Variants in RORA observed in about 807,000 individuals in gnomAD.
RORA encodes nuclear receptor ROR-alpha.
RORA carries 7 observed loss-of-function variants against 69.5 expected under a neutral mutation model. That is an observed-to-expected ratio of 0.10 (90% CI 0.06 to 0.19). The LOEUF (loss-of-function observed/expected upper bound fraction) is 0.19, where lower values mean the gene tolerates loss of function less well. Among genes scored for constraint, RORA ranks in the 10% least tolerant of loss-of-function variants. RORA has a pLI of 1.00. For synonymous variants in RORA, 261 were observed against 240.8 expected, an observed-to-expected ratio of 1.08 and a Z score of -0.78; for missense variants, 457 against 663.0, an observed-to-expected ratio of 0.69 and a Z score of 3.41.
At chr15:61,085,618 C>T (rs930543660) in intron 1 of RORA, among the ~76,000 whole-genome samples, 2 of 152,228 alleles carry the variant, frequency 1.3e-5, no homozygotes, top group Non-Finnish European at 2.9e-5. Flanking sequence ...TTGAGAACCA[C>T]TGATCCATGG....
chr15:60,502,738 A>G, intron 8 of RORA, 22 bp downstream of exon 8: 1 of 1,418,526 alleles, frequency 7.0e-7, no homozygotes, highest in Non-Finnish European at 1.0e-6. Flanking sequence ...TTTGAAGAAA[A>G]GGCACCTTGA....
chr15:60,521,889 C>T (rs2066178789), intron 3 of RORA, among the ~76,000 whole-genome samples: 1 of 152,152 alleles, frequency 6.6e-6, no homozygotes, highest in Non-Finnish European at 1.5e-5. Context: ...TTTCACCTAG[C>T]TTTTCAAAAC....
chr15:61,156,075 G>GA (rs913144400), intron 1 of RORA, among the ~76,000 whole-genome samples: 36 of 150,104 alleles, frequency 2.4e-4, no homozygotes, highest in Admixed American at 1.1e-3. Flanking sequence ...TTTTGCAGAA[G>GA]AAAAAAAAAA....
At chr15:60,957,796 A>G (rs542309326) in intron 1 of RORA, among the ~76,000 whole-genome samples, 1 of 152,230 alleles carries the variant, frequency 6.6e-6, no homozygotes, top group Admixed American at 6.5e-5. Flanking sequence ...TAAAAGAGTT[A>G]ATTATCCTAG....
At chr15:61,113,859 T>C (rs1259074011) in intron 1 of RORA, among the ~76,000 whole-genome samples, 2 of 152,242 alleles carry the variant, frequency 1.3e-5, no homozygotes, top group Non-Finnish European at 2.9e-5. Context: ...CGTGGTAAAT[T>C]GACCTTCGTT....
In RORA at chr15:61,202,942, T is replaced by G. The variant is rs562728807; in HGVS notation, c.166+26111A>C. On this transcript the variant is annotated intron_variant, in intron 1 of 10. Coordinates refer to ENST00000335670, the MANE Select transcript of RORA (RefSeq NM_134261.3). ...AGTACTCAGTGAGAAAAATAATTTC[T>G]GCTGAAGATGATTTTACAGTCAAAA... Among the ~76,000 whole-genome samples the G allele has an allele frequency of 7.2e-5, 11 of 152,294 alleles. No individual in the cohort carries two copies. In the South Asian group the frequency reaches 2.1e-3, roughly 29 times the overall value.
chr15:60,726,528 C>T (rs1156816780), intron 1 of RORA, among the ~76,000 whole-genome samples: 1 of 152,170 alleles, frequency 6.6e-6, no homozygotes, highest in Non-Finnish European at 1.5e-5. Context: ...GCCAGCTGGG[C>T]CAGCAGGACT....
At chr15:61,034,936 T>G (rs928749474) in intron 1 of RORA, among the ~76,000 whole-genome samples, 1 of 151,984 alleles carries the variant, frequency 6.6e-6, no homozygotes, top group Non-Finnish European at 1.5e-5. Context: ...CCTGGTAACA[T>G]AAAAACAAAA....
At position 60,493,637 on chromosome 15, in the gene RORA, A is replaced by AAGTT. The variant is rs1352901552; in HGVS notation, c.*3814_*3817dup. ...CAAATTCCATCAAGAAAATAATACA[A>AAGTT]AGTTTGTTTGTTTGTATTTTTTTTT... On this transcript the variant is annotated 3_prime_UTR_variant, in exon 11 of 11. Transcript: ENST00000335670. 6.6e-6 allele frequency: 1 copy of AAGTT among 152,238 alleles called. No homozygotes were observed. Among genetic ancestry groups the AAGTT allele is most frequent in the East Asian group, 1.9e-4 (1 of 5,184 alleles). 9.4% of individuals were successfully genotyped at this position (152,238 alleles called of 1,614,324 possible).
At position 61,144,865 on chromosome 15, in the gene RORA, T is replaced by A. The variant is rs567761028; in HGVS notation, c.166+84188A>T. On this transcript the variant is annotated intron_variant, in intron 1 of 10. Transcript: ENST00000335670. ...ACATTGGCTACTTTGGGGGAGTATGTCTGGAAGTGAAAGAAGGATAGGAAA... is the reference window on the plus strand; with the variant it reads ...ACATTGGCTACTTTGGGGGAGTATGACTGGAAGTGAAAGAAGGATAGGAAA... Among the ~76,000 whole-genome samples the A allele has an allele frequency of 4.6e-5, 7 of 152,294 alleles. No individual in the cohort carries two copies. The East Asian group carries it at 5.8e-4, about 13-fold the overall frequency.
At chr15:60,806,288 G>C (rs920622902) in intron 1 of RORA, among the ~76,000 whole-genome samples, 3 of 152,156 alleles carry the variant, frequency 2.0e-5, no homozygotes, top group Non-Finnish European at 4.4e-5. Context: ...CAAGGTGCCC[G>C]AGTGAAAAGC....
rs1384865497 is a variant in RORA at position 61,020,390 on chromosome 15, G to A, written c.166+208663C>T. 2.6e-5 allele frequency among the ~76,000 whole-genome samples: 4 copies of A among 152,138 alleles called. No homozygotes were observed. In the East Asian group the frequency reaches 5.8e-4, roughly 22 times the overall value. On this transcript the variant is annotated intron_variant, in intron 1 of 10. Transcript: ENST00000335670. ...ACCATGGAAAGCATGCACACAATGG[G>A]GAAAGAAGAGCCAGGATTCTAGTTC...
At chr15:61,115,050 G>C (rs1312197127) in intron 1 of RORA, among the ~76,000 whole-genome samples, 1 of 152,222 alleles carries the variant, frequency 6.6e-6, no homozygotes, top group African/African-American at 2.4e-5. Context: ...TGCGTGTACA[G>C]TAGGCACTAT....
intron 1 of RORA, among the ~76,000 whole-genome samples, chr15:60,792,165 A>AC (rs1409784289): frequency 1.3e-5 from 2 of 152,034 alleles, no homozygotes; most frequent in Non-Finnish European, 2.9e-5. Flanking sequence ...ATGAAAAAAA[A>AC]TACTACTGTA....
chr15:61,227,585 G>A (rs537395164), intron 1 of RORA, among the ~76,000 whole-genome samples: 2 of 152,010 alleles, frequency 1.3e-5, no homozygotes, highest in African/African-American at 2.4e-5. Context: ...GGTGGGGGGG[G>A]GGATACTGTA....
intron 1 of RORA, among the ~76,000 whole-genome samples, chr15:60,741,844 G>T (rs750336261): frequency 6.6e-6 from 1 of 152,114 alleles, no homozygotes; most frequent in Admixed American, 6.5e-5. Flanking sequence ...CACACTTCCT[G>T]CATGGCCGCA....
At chr15:60,936,960 A>T (rs1407121948) in intron 1 of RORA, among the ~76,000 whole-genome samples, 1 of 152,166 alleles carries the variant, frequency 6.6e-6, no homozygotes, top group Non-Finnish European at 1.5e-5. Context: ...ATGCTCTGTG[A>T]AGGAAAGGGT....
At chr15:60,812,855 T>C (rs2072762356) in intron 1 of RORA, among the ~76,000 whole-genome samples, 1 of 152,158 alleles carries the variant, frequency 6.6e-6, no homozygotes, top group East Asian at 1.9e-4. Context: ...GGACATTGGA[T>C]AGGTGAACAT....
At chr15:61,056,596 C>G (rs2078100229) in intron 1 of RORA, among the ~76,000 whole-genome samples, 1 of 152,118 alleles carries the variant, frequency 6.6e-6, no homozygotes, top group South Asian at 2.1e-4. Flanking sequence ...ACCAGATGGA[C>G]CATCCTTCAA....
Sources: gnomAD v4.1 joint callset for allele counts (sites outside exome capture counted in the v4.1 genomes callset) on GRCh38, gnomAD v4.1.1 for gene constraint, MANE v1.5 for transcripts, NCBI Gene and HGNC (gene_info 2026-07-23, HGNC 2026-07-21) for gene names.